SOS2: variants seen among roughly 807,000 people sequenced by gnomAD.
SOS2 encodes the protein SOS Ras/Rho guanine nucleotide exchange factor 2.
In SOS2, 65 loss-of-function variants were observed where a neutral mutation model predicts 148.2. The observed-to-expected ratio is 0.44, with a 90% CI of 0.36 to 0.54. The LOEUF is 0.54. Among genes scored for constraint, SOS2 ranks in the 20% least tolerant of loss-of-function variants. The pLI, the probability that SOS2 is intolerant of heterozygous loss-of-function variation, is 0.00. For synonymous variants in SOS2, 539 were observed against 537.1 expected (o/e 1.00, Z -0.05); for missense variants, 1,341 against 1,590.2 (o/e 0.84, Z 2.67).
chr14:50,191,493 C>T (rs574159090), intron 4 of SOS2, among the ~76,000 whole-genome samples: 2 of 151,986 alleles, frequency 1.3e-5, no homozygotes, highest in African/African-American at 2.4e-5. Flanking sequence ...CACATATAAA[C>T]CCCCCAGCTC....
At chr14:50,216,796 T>C (rs1365348114) in intron 1 of SOS2, among the ~76,000 whole-genome samples, 1 of 152,064 alleles carries the variant, frequency 6.6e-6, no homozygotes, top group African/African-American at 2.4e-5. Context: ...AAATACAATA[T>C]ACTGCTGATA....
intron 1 of SOS2, among the ~76,000 whole-genome samples, chr14:50,222,347 G>A (rs1887225718): frequency 6.6e-6 from 1 of 152,178 alleles, no homozygotes; most frequent in East Asian, 1.9e-4. Context: ...GAATCAAGTA[G>A]ATTCAGTGAT....
chr14:50,156,951 G>GTATA lies in SOS2; in HGVS notation c.2057+44_2057+47dup, dbSNP rs111550293. On this transcript the variant is annotated intron_variant, in intron 12 of 22. Transcript: ENST00000216373. ...TGACACATAAAATGTGTGTGTGTGTGTATATATATGTGTATATATATATAT... is the reference window on the plus strand; with the variant it reads ...TGACACATAAAATGTGTGTGTGTGTGTATATATATATATGTGTATATATATATAT... The GTATA allele has an allele frequency of 5.2e-4, 438 of 843,940 alleles. 8 individuals carry two copies. Among genetic ancestry groups the GTATA allele is most frequent in the South Asian group, 9.0e-4 (50 of 55,260 alleles). 52.3% of individuals were successfully genotyped at this position (843,940 alleles called of 1,614,324 possible). A position where few individuals can be genotyped will look rare whatever the true frequency, so the allele number is the denominator to read the frequency against.
At chr14:50,220,720 T>C (rs1239927317) in intron 1 of SOS2, among the ~76,000 whole-genome samples, 1 of 152,160 alleles carries the variant, frequency 6.6e-6, no homozygotes, top group Non-Finnish European at 1.5e-5. Context: ...TAAGTTTATT[T>C]AAAATGCAGA....
intron 7 of SOS2, among the ~76,000 whole-genome samples, chr14:50,178,721 TACACACA>T (rs1885623160): frequency 7.5e-6 from 1 of 133,276 alleles, no homozygotes; most frequent in Admixed American, 7.6e-5. Flanking sequence ...TACACACATA[TACACACA>T]CATATATATA....
chr14:50,184,376 T>C (rs1290223123), intron 5 of SOS2, among the ~76,000 whole-genome samples: 5 of 152,220 alleles, frequency 3.3e-5, no homozygotes, highest in Non-Finnish European at 7.3e-5. Flanking sequence ...TTTTGGTCTT[T>C]GTCCCTGGTT....
chr14:50,150,306 T>G (rs1884620377), intron 13 of SOS2, 76 bp from the exon 14 acceptor site: 1 of 1,028,120 alleles, frequency 9.7e-7, no homozygotes. Context: ...AATCCTTAAC[T>G]TTCACCCAGC....
intron 5 of SOS2, among the ~76,000 whole-genome samples, chr14:50,188,136 A>G (rs1885982081): frequency 6.6e-6 from 1 of 152,124 alleles, no homozygotes; most frequent in Non-Finnish European, 1.5e-5. Context: ...GGTGCAGTGG[A>G]TCATGCGTAT....
At chr14:50,181,673 G>GT (rs1436537411) in intron 6 of SOS2, among the ~76,000 whole-genome samples, 2 of 152,150 alleles carry the variant, frequency 1.3e-5, no homozygotes, top group East Asian at 1.9e-4. Flanking sequence ...AGTAAAAACA[G>GT]TAAGTTATAA....
At chr14:50,220,418 A>AAAAAAAAAAAAAAAAAAAACAAC in intron 1 of SOS2, among the ~76,000 whole-genome samples, 1 of 146,082 alleles carries the variant, frequency 6.8e-6, no homozygotes, top group African/African-American at 2.5e-5. Context: ...AAAAAAAAAA[A>AAAAAAAAAAAAAAAAAAAACAAC]AAAAGAACAG....
chr14:50,187,953 C>G (rs1194779694), intron 5 of SOS2, among the ~76,000 whole-genome samples: 1 of 152,164 alleles, frequency 6.6e-6, no homozygotes, highest in Non-Finnish European at 1.5e-5. Flanking sequence ...AATATCAGAA[C>G]TGCATAACGG....
chr14:50,228,947 C>G (rs1329669148), intron 1 of SOS2, among the ~76,000 whole-genome samples: 1 of 152,196 alleles, frequency 6.6e-6, no homozygotes, highest in Non-Finnish European at 1.5e-5. Context: ...ATATTCCAAT[C>G]AAATCCTAGT....
intron 8 of SOS2, among the ~76,000 whole-genome samples, chr14:50,163,727 CTA>C (rs1380688173): frequency 2.0e-5 from 3 of 152,166 alleles, no homozygotes; most frequent in African/African-American, 7.2e-5. Context: ...CAGCTCCACT[CTA>C]AAATATTTCT....
At position 50,149,858 on chromosome 14, in the gene SOS2, G is replaced by C. The variant is rs543399191; in HGVS notation, c.2384+150C>G. 239 of 626,954 alleles carry C rather than the reference G, an allele frequency of 3.8e-4. 1 individual carries two copies. In the African/African-American group the frequency reaches 4.0e-3, roughly 10 times the overall value. The allele number at this position is 626,954 out of a possible 1,614,324, so 38.8% of individuals were successfully genotyped here. ...AGACTTTTACTTGCAGGGCAGACTA[G>C]TTAAAAACTGTGCTATGACCTTTCC... is the stretch of plus-strand genomic sequence containing the variant. On this transcript the variant is annotated intron_variant, in intron 14 of 22. Transcript: ENST00000216373.
intron 17 of SOS2, among the ~76,000 whole-genome samples, chr14:50,139,369 G>T (rs1884191559): frequency 2.0e-5 from 3 of 152,146 alleles, no homozygotes; most frequent in Non-Finnish European, 2.9e-5. Context: ...TCCCCCAGGG[G>T]ATATTTAGGA....
At chr14:50,178,671 C>CATAT (rs1170021476) in intron 7 of SOS2, among the ~76,000 whole-genome samples, 629 of 14,196 alleles carry the variant, frequency 0.044, 1 homozygote, top group Non-Finnish European at 0.058. Context: ...TGTGTGTGTG[C>CATAT]ATATATATAT....
chr14:50,230,923 T>A, intron 1 of SOS2: 1 of 1,088,262 alleles, frequency 9.2e-7, no homozygotes, highest in Non-Finnish European at 1.1e-6. Flanking sequence ...GGACAACAAA[T>A]TGGTCAACGG....
intron 8 of SOS2, among the ~76,000 whole-genome samples, chr14:50,165,481 C>T (rs1885137063): frequency 6.6e-6 from 1 of 152,138 alleles, no homozygotes; most frequent in Non-Finnish European, 1.5e-5. Flanking sequence ...TTTTACTCCA[C>T]TGAACAAAGG....
At chr14:50,216,309 C>A (rs1887039312) in intron 1 of SOS2, among the ~76,000 whole-genome samples, 1 of 151,710 alleles carries the variant, frequency 6.6e-6, no homozygotes, top group African/African-American at 2.4e-5. Flanking sequence ...GTTGGCCAGG[C>A]TAGTCTTGAA....
Sources: allele counts gnomAD v4.1 joint callset (sites outside exome capture counted in the v4.1 genomes callset), GRCh38; gene constraint gnomAD v4.1.1; transcripts MANE v1.5; gene names NCBI Gene and HGNC (gene_info 2026-07-23, HGNC 2026-07-21).